Variants in FRMPD1 observed in about 807,000 individuals in gnomAD.
FRMPD1 encodes FERM and PDZ domain-containing protein 1.
Under a neutral mutation model 117.8 loss-of-function variants are expected in FRMPD1, and 76 were observed. The observed-to-expected ratio is 0.65, with a 90% CI of 0.54 to 0.78. The LOEUF is 0.78. Among genes scored for constraint, FRMPD1 ranks in the 30% least tolerant of loss-of-function variants. The pLI is 0.00. For synonymous variants in FRMPD1, 783 were observed against 770.4 expected (o/e 1.02, Z -0.27); for missense variants, 1,786 against 1,964.5 (o/e 0.91, Z 1.72).
Position 37,740,533 on chromosome 9 carries a change from T to A in FRMPD1, c.2005T>A (p.Cys669Ser). ...CCTGGCCCAGAGAGCCAACCCCCAG[T>A]GCCAGAAGACAGAGTTTTCCGAGAG... ...LDLAQRANPQCQKTEFSESAA... is the reference protein window; with the variant it reads ...LDLAQRANPQSQKTEFSESAA... The change falls in exon 15 of 16, where the codon TGC (cysteine) becomes AGC (serine). Residue 669 changes from cysteine to serine, a missense_variant. Coordinates refer to ENST00000377765, the MANE Select transcript of FRMPD1 (RefSeq NM_014907.3). This position sits in a 1 kb window ranked among gnomAD's most constrained non-coding sequence, Gnocchi z 4.2. 2 of 1,614,170 alleles carry A rather than the reference T, an allele frequency of 1.2e-6. No individual in the cohort carries two copies. Among genetic ancestry groups the A allele is most frequent in the Middle Eastern group, 3.3e-4 (2 of 6,060 alleles).
intron 15 of FRMPD1, among the ~76,000 whole-genome samples, chr9:37,742,829 G>A (rs1454589494): frequency 6.6e-6 from 1 of 152,082 alleles, no homozygotes; most frequent in Admixed American, 6.6e-5. Context: ...AACCTGGGAG[G>A]CAGAGGCTGC....
chr9:37,720,319 G>A (rs777575119), intron 6 of FRMPD1, among the ~76,000 whole-genome samples: 20 of 152,324 alleles, frequency 1.3e-4, no homozygotes, highest in African/African-American at 3.8e-4. Context: ...GGTGGCTCAC[G>A]CCTGTAATCC....
Position 37,693,016 on chromosome 9 carries a change from A to C in FRMPD1, c.101+274A>C. ...CACACTGACACACAGACATACACAC[A>C]GAAATACACTCATACATACTCATAC... On this transcript the variant is annotated intron_variant, in intron 2 of 15. Coordinates refer to ENST00000377765, the MANE Select transcript of FRMPD1 (RefSeq NM_014907.3). The C allele has an allele frequency of 5.9e-6, 3 of 510,838 alleles. No homozygotes were observed. The South Asian group carries it at 6.8e-5, about 12-fold the overall frequency. 31.6% of individuals were successfully genotyped at this position (510,838 alleles called of 1,614,324 possible). A position where few individuals can be genotyped will look rare whatever the true frequency, so the allele number is the denominator to read the frequency against.
At chr9:37,662,732 T>C (rs1222190578) in intron 1 of FRMPD1, among the ~76,000 whole-genome samples, 1 of 152,182 alleles carries the variant, frequency 6.6e-6, no homozygotes, top group African/African-American at 2.4e-5. Flanking sequence ...AGATGACCTA[T>C]GTGAGGGACC....
upstream of FRMPD1, among the ~76,000 whole-genome samples, chr9:37,647,279 A>G (rs1824155963): frequency 3.3e-5 from 5 of 151,930 alleles, no homozygotes; most frequent in South Asian, 1.0e-3. Flanking sequence ...GGAGGTCGAG[A>G]CGGGCGGATC....
intron 1 of FRMPD1, among the ~76,000 whole-genome samples, chr9:37,655,290 C>T (rs1038196654): frequency 1.3e-5 from 2 of 152,112 alleles, no homozygotes; most frequent in Non-Finnish European, 2.9e-5. Flanking sequence ...CTCAAATATG[C>T]CCCCATCTTT....
chr9:37,631,143 A>G, the FRMPD1 span, among the ~76,000 whole-genome samples: 4 of 152,242 alleles, frequency 2.6e-5, no homozygotes, highest in African/African-American at 9.6e-5. Context: ...AGATCACTGA[A>G]TGGAAAAGGA....
the FRMPD1 span, among the ~76,000 whole-genome samples, chr9:37,628,710 A>G: frequency 6.6e-6 from 1 of 152,364 alleles, no homozygotes; most frequent in East Asian, 1.9e-4. Context: ...TTGATGTAGC[A>G]TAGTGAGGAG....
upstream of FRMPD1, among the ~76,000 whole-genome samples, chr9:37,650,304 A>G (rs1373546276): frequency 6.6e-6 from 1 of 152,182 alleles, no homozygotes; most frequent in Non-Finnish European, 1.5e-5. Context: ...GGCTGAGTGC[A>G]GAGTCCCAGG....
At position 37,746,100 on chromosome 9, in the gene FRMPD1, G is replaced by T. The variant is rs770108713; in HGVS notation, c.4068G>T (p.Arg1356Ser). ...AGCCTGAGACAGAGGAAGAAGACAG[G>T]GACTTGGAAGCACACCCCATGGCCC... ...GPQPETEEED[R>S]DLEAHPMAPL... is the part of the protein sequence containing the mutation. The change falls in exon 16 of 16, where the codon AGG (arginine) becomes AGT (serine). Residue 1356 changes from arginine (R) to serine (S), a missense_variant. By Grantham distance (110) the Arg-to-Ser change is moderately radical. Transcript: ENST00000377765. The T allele has an allele frequency of 2.9e-5, 47 of 1,614,052 alleles. No individual in the cohort carries two copies. Among genetic ancestry groups the T allele is most frequent in the Non-Finnish European group, 3.5e-5 (41 of 1,180,036 alleles).
chr9:37,706,954 C>G (rs1822727287), intron 2 of FRMPD1, among the ~76,000 whole-genome samples: 1 of 151,406 alleles, frequency 6.6e-6, no homozygotes, highest in Non-Finnish European at 1.5e-5. Flanking sequence ...ATCCATCCAT[C>G]CATCCATCCA....
intron 1 of FRMPD1, among the ~76,000 whole-genome samples, chr9:37,672,559 G>A (rs1333590281): frequency 6.6e-6 from 1 of 152,106 alleles, no homozygotes; most frequent in Non-Finnish European, 1.5e-5. Flanking sequence ...GTTGTTACTG[G>A]CATCTTATAA....
chr9:37,687,228 G>A (rs534817384), intron 1 of FRMPD1, among the ~76,000 whole-genome samples: 38 of 152,274 alleles, frequency 2.5e-4, no homozygotes, highest in African/African-American at 8.2e-4. Flanking sequence ...AGTCCCCCAC[G>A]CTGTGGCATT....
chr9:37,625,254 A>G, the FRMPD1 span, among the ~76,000 whole-genome samples: 1 of 152,178 alleles, frequency 6.6e-6, no homozygotes, highest in Non-Finnish European at 1.5e-5. Flanking sequence ...ATGTGTGAAA[A>G]GACTCAGTTC....
chr9:37,701,510 C>CGTGTGTGTGTGTGT lies in FRMPD1; in HGVS notation c.102-5887_102-5874dup, dbSNP rs58458625. ...GTGTGCGCGCGTGTGTGTGCATGTA[C>CGTGTGTGTGTGTGT]GTGTGTGTGTGTGTGTGTGTGTGTG... On this transcript the variant is annotated intron_variant, in intron 2 of 15. Transcript: ENST00000377765. Among the ~76,000 whole-genome samples the CGTGTGTGTGTGTGT allele has an allele frequency of 6.4e-3, 933 of 146,886 alleles. 10 individuals carry two copies. The highest frequency in any genetic ancestry group is 0.022 in the African/African-American group (847 of 39,182).
chr9:37,720,475 T>C (rs1025584988), intron 6 of FRMPD1, among the ~76,000 whole-genome samples: 1 of 152,032 alleles, frequency 6.6e-6, no homozygotes, highest in East Asian at 1.9e-4. Flanking sequence ...CCATCCTGGC[T>C]AACATGGCGA....
intron 1 of FRMPD1, among the ~76,000 whole-genome samples, chr9:37,690,163 C>T (rs1822082300): frequency 6.6e-6 from 1 of 151,990 alleles, no homozygotes; most frequent in African/African-American, 2.4e-5. Flanking sequence ...AGGTACTGTA[C>T]ACTTATTGTC....
At chr9:37,633,182 G>A in the FRMPD1 span, among the ~76,000 whole-genome samples, 1 of 149,334 alleles carries the variant, frequency 6.7e-6, no homozygotes, top group South Asian at 2.1e-4. Flanking sequence ...TGGGATTACA[G>A]GCACCTGCCA....
At position 37,679,656 on chromosome 9, in the gene FRMPD1, A is replaced by G. The variant is rs755310881; in HGVS notation, c.-4-12982A>G. ...TTGTGACTGGCTCCTTTCAGGAAGC[A>G]CAGTATTTTCAAATTTTATCCATAT... On this transcript the variant is annotated intron_variant, in intron 1 of 15. Transcript: ENST00000377765. Among the ~76,000 whole-genome samples, 28 of 152,358 alleles carry G rather than the reference A, an allele frequency of 1.8e-4. 1 individual carries two copies. Among genetic ancestry groups the G allele is most frequent in the South Asian group, 1.2e-3 (6 of 4,828 alleles).
Sources: gnomAD v4.1 joint callset for allele counts (sites outside exome capture counted in the v4.1 genomes callset) on GRCh38, gnomAD v4.1.1 for gene constraint, Gnocchi (gnomAD v3.1) non-coding constraint, MANE v1.5 for transcripts, NCBI Gene and HGNC (gene_info 2026-07-23, HGNC 2026-07-21) for gene names.